ANKIB1: variants seen among roughly 807,000 people sequenced by gnomAD.
The protein encoded by ANKIB1 is ankyrin repeat and IBR domain containing 1, also known as ankyrin repeat and IBR domain-containing protein 1.
In ANKIB1, 43 loss-of-function variants were observed where a neutral mutation model predicts 122.1. The ratio of observed to expected loss-of-function variants is 0.35; its 90% CI spans 0.28 to 0.45. ANKIB1 has a LOEUF of 0.45. Ranked by LOEUF, ANKIB1 falls within the 20% of genes least tolerant of loss-of-function variation. The probability of loss-of-function intolerance (pLI) is 1.00; values close to 1 mark genes in which losing one functional copy is unlikely to be tolerated. For synonymous variants in ANKIB1, 390 were observed against 442.0 expected, an observed-to-expected ratio of 0.88 and a Z score of 1.48; for missense variants, 992 against 1,329.5, an observed-to-expected ratio of 0.75 and a Z score of 3.95.
intron 16 of ANKIB1, 79 bp downstream of exon 16, chr7:92,391,423 G>T (rs767199433): frequency 3.2e-6 from 4 of 1,257,388 alleles, no homozygotes; most frequent in Middle Eastern, 2.3e-4. Flanking sequence ...TCCAACTAGG[G>T]TTCATATTCC....
At chr7:92,335,456 C>T (rs1377202316) in intron 5 of ANKIB1, among the ~76,000 whole-genome samples, 2 of 151,894 alleles carry the variant, frequency 1.3e-5, no homozygotes, top group Non-Finnish European at 2.9e-5. Context: ...CTAGTTCCAT[C>T]AGTTGATGAG....
chr7:92,328,777 G>A (rs1803086620), intron 5 of ANKIB1, among the ~76,000 whole-genome samples: 3 of 151,504 alleles, frequency 2.0e-5, no homozygotes, highest in Admixed American at 2.0e-4. Context: ...AAAATAGAAT[G>A]CCATCTTCCA....
At chr7:92,397,687 A>C in intron 18 of ANKIB1, 36 bp from the exon 19 acceptor site, 1 of 1,605,436 alleles carries the variant, frequency 6.2e-7, no homozygotes, top group Non-Finnish European at 8.5e-7. Flanking sequence ...CTTATTTGTC[A>C]CTAAATTGTC....
rs1445296364 is a variant in ANKIB1, at chr7:92,386,553, A to G, written c.1662A>G (p.Lys554=). The G allele has an allele frequency of 5.5e-5, 88 of 1,605,980 alleles. No homozygotes were observed. The highest frequency in any genetic ancestry group is 7.2e-5 in the Non-Finnish European group (85 of 1,176,362). ...GGATTTGCCTTGAAGAGTGGAAAAA[A>G]CATAGTTCGTCCACTGGAGGTTATT... ...FCWICLEEWK[K]HSSSTGGYYR... is the part of the protein sequence containing the mutation. Residue 554 remains lysine (K), a synonymous_variant, in exon 12 of 20, where the codon AAA becomes AAG. Transcript: ENST00000265742.
Position 92,343,181 on chromosome 7 carries a change from C to T in ANKIB1, c.945C>T (p.Val315=). The T allele has an allele frequency of 6.2e-7, 1 of 1,613,974 alleles. No homozygotes were observed. Among genetic ancestry groups the T allele is most frequent in the Non-Finnish European group, 8.5e-7 (1 of 1,179,880 alleles). Reference sequence around the variant, plus strand: ...CTCCAAGGACTACACGCTCTTCTGTCACCTCCCCAGATGAAATCAGCTTAT... The same window carrying T: ...CTCCAAGGACTACACGCTCTTCTGTTACCTCCCCAGATGAAATCAGCTTAT... The part of the protein sequence containing the change: ...PRTPRTTRSS[V]TSPDEISLSP... Residue 315 remains valine (V), a synonymous_variant, in exon 6 of 20, where the codon GTC becomes GTT. Transcript: ENST00000265742.
At position 92,327,721 on chromosome 7, in the gene ANKIB1, G is replaced by A. The variant is rs377472829; in HGVS notation, c.670-62G>A. 10 of 777,498 alleles carry A rather than the reference G, an allele frequency of 1.3e-5. No individual in the cohort carries two copies. The African/African-American group carries it at 1.6e-4, about 13-fold the overall frequency. The allele number at this position is 777,498 out of a possible 1,614,324, so 48.2% of individuals were successfully genotyped here. On this transcript the variant is annotated intron_variant, in intron 4 of 19. Transcript: ENST00000265742. ...TGGACTGACTATATATTGTTTATAG[G>A]CATTTTGATAACTTCCTATGAGTAT...
intron 1 of ANKIB1, among the ~76,000 whole-genome samples, chr7:92,259,384 T>G (rs1305715178): frequency 1.3e-5 from 2 of 152,228 alleles, no homozygotes; most frequent in African/African-American, 4.8e-5. Context: ...TACTTCTTGT[T>G]GTAGTTTCTG....
At chr7:92,253,445 A>G (rs1384893238) in intron 1 of ANKIB1, among the ~76,000 whole-genome samples, 1 of 152,112 alleles carries the variant, frequency 6.6e-6, no homozygotes, top group African/African-American at 2.4e-5. Context: ...TTTCCACACA[A>G]CACCCATTGT....
intron 5 of ANKIB1, among the ~76,000 whole-genome samples, chr7:92,329,780 G>C (rs1803123379): frequency 1.3e-5 from 2 of 151,970 alleles, no homozygotes; most frequent in African/African-American, 4.8e-5. Flanking sequence ...TTATCTTTCA[G>C]CCTCCCTTCA....
chr7:92,255,610 T>C (rs1450520718), intron 1 of ANKIB1, among the ~76,000 whole-genome samples: 1 of 152,150 alleles, frequency 6.6e-6, no homozygotes, highest in Non-Finnish European at 1.5e-5. Context: ...GGGGCCAAGA[T>C]AAAGCAGCTC....
chr7:92,282,259 T>A (rs1446987140), intron 1 of ANKIB1, among the ~76,000 whole-genome samples: 1 of 152,062 alleles, frequency 6.6e-6, no homozygotes, highest in East Asian at 1.9e-4. Context: ...GCTCAAGTGA[T>A]CCTCTCACCT....
chr7:92,266,470 C>T (rs976181503), intron 1 of ANKIB1, among the ~76,000 whole-genome samples: 4 of 152,124 alleles, frequency 2.6e-5, no homozygotes, highest in Non-Finnish European at 5.9e-5. Flanking sequence ...CTGAAAGAGG[C>T]CCCCCTCTAC....
At chr7:92,356,597 C>T (rs1487021355) in intron 9 of ANKIB1, among the ~76,000 whole-genome samples, 2 of 152,176 alleles carry the variant, frequency 1.3e-5, no homozygotes, top group African/African-American at 2.4e-5. Context: ...CTGGGAGATA[C>T]AGGACCTGCC....
chr7:92,374,004 GGT>G (rs1484803419), intron 11 of ANKIB1, among the ~76,000 whole-genome samples: 1 of 151,978 alleles, frequency 6.6e-6, no homozygotes, highest in East Asian at 1.9e-4. Flanking sequence ...TAATTACTAA[GGT>G]ATATCTGTTC....
At chr7:92,260,087 A>G (rs897941463) in intron 1 of ANKIB1, among the ~76,000 whole-genome samples, 1 of 152,030 alleles carries the variant, frequency 6.6e-6, no homozygotes. Flanking sequence ...AAGTCTGGTC[A>G]TTTCACTTCT....
chr7:92,307,504 A>G lies in ANKIB1; in HGVS notation c.334A>G (p.Arg112Gly). Residue 112 changes from arginine to glycine, a missense_variant, in exon 3 of 20, where the codon AGA (arginine) becomes GGA (glycine). Transcript: ENST00000265742. ...GGCACGCCCCACAGAAGATGATTTCAGAAGAGCAGATTGTCTGCAGATGAT... is the reference window on the plus strand; with the variant it reads ...GGCACGCCCCACAGAAGATGATTTCGGAAGAGCAGATTGTCTGCAGATGAT... ...RLARPTEDDFRRADCLQMILK... is the reference protein window; with the variant it reads ...RLARPTEDDFGRADCLQMILK... The G allele has an allele frequency of 1.2e-6, 2 of 1,613,974 alleles. No homozygotes were observed. Among genetic ancestry groups the G allele is most frequent in the Non-Finnish European group, 1.7e-6 (2 of 1,179,888 alleles).
chr7:92,283,096 G>A (rs931456245), intron 1 of ANKIB1, among the ~76,000 whole-genome samples: 1 of 151,968 alleles, frequency 6.6e-6, no homozygotes, highest in African/African-American at 2.4e-5. Flanking sequence ...TCTAAGAGGA[G>A]CCAGAATATA....
At chr7:92,359,531 T>C (rs1229011746) in intron 9 of ANKIB1, among the ~76,000 whole-genome samples, 1 of 152,190 alleles carries the variant, frequency 6.6e-6, no homozygotes, top group Non-Finnish European at 1.5e-5. Context: ...GCAATAAACA[T>C]ATGTGTGTGT....
At chr7:92,346,342 T>C (rs371706051) in intron 7 of ANKIB1, among the ~76,000 whole-genome samples, 180 of 152,174 alleles carry the variant, frequency 1.2e-3, no homozygotes, top group African/African-American at 4.1e-3. Flanking sequence ...TGTTGGTCAA[T>C]CTGGTCTCGA....
Sources: gnomAD v4.1 joint callset for allele counts (sites outside exome capture counted in the v4.1 genomes callset) on GRCh38, gnomAD v4.1.1 for gene constraint, MANE v1.5 for transcripts, NCBI Gene and HGNC (gene_info 2026-07-23, HGNC 2026-07-21) for gene names.